Variants in SYNPO2L observed in about 807,000 individuals in gnomAD.
SYNPO2L encodes synaptopodin 2 like, also known as synaptopodin 2-like protein.
A neutral mutation model predicts 47.5 loss-of-function variants in SYNPO2L; 34 were observed. The observed-to-expected ratio is 0.72, with a 90% CI of 0.54 to 0.95. SYNPO2L has a LOEUF of 0.95. Among genes scored for constraint, SYNPO2L ranks in the 40% least tolerant of loss-of-function variants. The pLI is 0.00. For synonymous variants in SYNPO2L, 536 were observed against 524.9 expected, an observed-to-expected ratio of 1.02 and a Z score of -0.29; for missense variants, 1,246 against 1,282.0, an observed-to-expected ratio of 0.97 and a Z score of 0.43.
Position 73,656,020 on chromosome 10 carries a change from T to A in SYNPO2L, c.-98A>T. 1 of 999,680 alleles carries A rather than the reference T, an allele frequency of 1.0e-6. No individual in the cohort carries two copies. The highest frequency in any genetic ancestry group is 1.4e-6 in the Non-Finnish European group (1 of 690,002). 61.9% of individuals were successfully genotyped at this position (999,680 alleles called of 1,614,324 possible). A position where few individuals can be genotyped will look rare whatever the true frequency, so the allele number is the denominator to read the frequency against. On this transcript the variant is annotated 5_prime_UTR_variant, in exon 1 of 4. Transcript: ENST00000394810. ...GTCTGGGCTTCCTGTCCGGCTGTCC[T>A]GCTCCTGCTGCCCCAGGCCTCCCCC...
intron 3 of SYNPO2L, 71 bp downstream of exon 3, chr10:73,653,068 G>A: frequency 4.9e-6 from 7 of 1,419,020 alleles, no homozygotes; most frequent in East Asian, 2.5e-5. Flanking sequence ...GAGAATGTAC[G>A]GCTATAGAAG....
rs1466943829 is a variant in SYNPO2L at position 73,647,939 on chromosome 10, A to G, written c.1713T>C (p.Pro571=). 2 of 1,530,956 alleles carry G rather than the reference A, an allele frequency of 1.3e-6. No individual in the cohort carries two copies. Among genetic ancestry groups the G allele is most frequent in the Admixed American group, 2.2e-5 (1 of 45,938 alleles). 94.8% of individuals were successfully genotyped at this position (1,530,956 alleles called of 1,614,324 possible). Residue 571 remains proline, a synonymous_variant, in exon 4 of 4, where the codon CCT becomes CCC. Coordinates refer to ENST00000394810, the MANE Select transcript of SYNPO2L (RefSeq NM_001114133.3). ...PGGAPEPPAP[P]SAAAMTSTAS... is the part of the protein sequence containing the mutation. The stretch of plus-strand genomic sequence containing the variant: ...CGGTGGAGGTCATGGCAGCTGCGCT[A>G]GGAGGAGCGGGGGGCTCTGGAGCTC...
chr10:73,648,611 G>T lies in SYNPO2L; in HGVS notation c.1041C>A (p.Thr347=). Residue 347 remains threonine, a synonymous_variant, in exon 4 of 4, where the codon ACC becomes ACA. Transcript: ENST00000394810. ...AGGGACTGTCCCAGTCAGATTGATTGGTGAGGCTGCGGGCGTCAGAGAAGG... is the reference window on the plus strand; with the variant it reads ...AGGGACTGTCCCAGTCAGATTGATTTGTGAGGCTGCGGGCGTCAGAGAAGG... ...EEAFSDARSL[T]NQSDWDSPYL... is the part of the protein sequence containing the mutation. 1 of 1,614,116 alleles carries T rather than the reference G, an allele frequency of 6.2e-7. No individual in the cohort carries two copies. Among genetic ancestry groups the T allele is most frequent in the Non-Finnish European group, 8.5e-7 (1 of 1,179,974 alleles).
rs761148867 is a variant in SYNPO2L at position 73,645,026 on chromosome 10, T to C, written c.*1692A>G. 81 of 1,266,424 alleles carry C rather than the reference T, an allele frequency of 6.4e-5. No homozygotes were observed. Among genetic ancestry groups the C allele is most frequent in the Non-Finnish European group, 7.6e-5 (74 of 974,710 alleles). The allele number at this position is 1,266,424 out of a possible 1,614,324, so 78.4% of individuals were successfully genotyped here. On this transcript the variant is annotated 3_prime_UTR_variant, in exon 4 of 4. Transcript: ENST00000394810. ...GGTGAGAAGGGAGTCCATACTAAGA[T>C]TGGAGATCAGGACCTGAAGCTGAAA...
intron 3 of SYNPO2L, chr10:73,650,209 T>C (rs9664184): frequency 0.63 from 617,613 of 979,458 alleles, 198,151 homozygotes; most frequent in Middle Eastern, 0.71. Context: ...CAAGGTACCA[T>C]GCTCCTTTGT....
At chr10:73,653,847 G>A (rs1260869471) in intron 2 of SYNPO2L, among the ~76,000 whole-genome samples, 194 bp from the exon 3 acceptor site, 1 of 152,118 alleles carries the variant, frequency 6.6e-6, no homozygotes, top group African/African-American at 2.4e-5. Flanking sequence ...TGCTTGAAGG[G>A]CTGTGAGTGG....
At position 73,645,007 on chromosome 10, in the gene SYNPO2L, A is replaced by C; in HGVS notation, c.*1711T>G. The C allele has an allele frequency of 8.0e-7, 1 of 1,253,158 alleles. No individual in the cohort carries two copies. The highest frequency in any genetic ancestry group is 1.0e-6 in the Non-Finnish European group (1 of 970,728). The allele number at this position is 1,253,158 out of a possible 1,614,324, so 77.6% of individuals were successfully genotyped here. A position where few individuals can be genotyped will look rare whatever the true frequency, so the allele number is the denominator to read the frequency against. The stretch of plus-strand genomic sequence containing the variant: ...CGTAGCTGGTGGTGGTCTTGGTGAG[A>C]AGGGAGTCCATACTAAGATTGGAGA... On this transcript the variant is annotated 3_prime_UTR_variant, in exon 4 of 4. Coordinates refer to ENST00000394810, the MANE Select transcript of SYNPO2L (RefSeq NM_001114133.3).
chr10:73,653,698 G>T, intron 2 of SYNPO2L, 45 bp from the exon 3 acceptor site: 1 of 1,485,992 alleles, frequency 6.7e-7, no homozygotes, highest in Non-Finnish European at 9.0e-7. Context: ...GCTGGGTACT[G>T]ACAGCTAGAG....
At position 73,648,095 on chromosome 10, in the gene SYNPO2L, G is replaced by C. The variant is rs771579030; in HGVS notation, c.1557C>G (p.Pro519=). The C allele has an allele frequency of 6.4e-7, 1 of 1,558,042 alleles. No individual in the cohort carries two copies. The highest frequency in any genetic ancestry group is 8.7e-7 in the Non-Finnish European group (1 of 1,153,754). The change falls in exon 4 of 4, where the codon CCC becomes CCG. Residue 519 remains proline (P), a synonymous_variant. Transcript: ENST00000394810. The part of the protein sequence containing the change: ...FLSSQGPTPL[P]SFTSGVPSHA... ...GGCTGGGAACCCCTGAAGTGAAGCT[G>C]GGCAGAGGGGTGGGCCCCTGCGAAG...
Position 73,648,285 on chromosome 10 carries a change from G to A in SYNPO2L, c.1367C>T (p.Ala456Val). 6.2e-7 allele frequency: 1 copy of A among 1,602,180 alleles called. No individual in the cohort carries two copies. The highest frequency in any genetic ancestry group is 8.5e-7 in the Non-Finnish European group (1 of 1,178,928). The stretch of plus-strand genomic sequence containing the variant: ...AAAGATGCTTGGAGCTGGGGTCGGG[G>A]CTCCACCACCTGGTTGGAAGGGTCT... ...SPRPFQPGGG[A>V]PTPAPSIFNR... Residue 456 changes from alanine to valine, a missense_variant, in exon 4 of 4, where the codon GCC becomes GTC. Transcript: ENST00000394810.
rs749494669 is a variant in SYNPO2L at position 73,648,590 on chromosome 10, A to G, written c.1062T>C (p.Ser354=). 1.2e-6 allele frequency: 2 copies of G among 1,614,084 alleles called. No individual in the cohort carries two copies. The highest frequency in any genetic ancestry group is 1.7e-5 in the Admixed American group (1 of 60,024). The change falls in exon 4 of 4, where the codon AGT becomes AGC. Residue 354 remains serine (S), a synonymous_variant. Coordinates refer to ENST00000394810, the MANE Select transcript of SYNPO2L (RefSeq NM_001114133.3). ...TGGCAAGCTCCATGTCCAGATAGGG[A>G]CTGTCCCAGTCAGATTGATTGGTGA... ...RSLTNQSDWD[S]PYLDMELARA... is the part of the protein sequence containing the mutation.
At chr10:73,653,937 C>T in intron 2 of SYNPO2L, 192 bp downstream of exon 2, 1 of 792,704 alleles carries the variant, frequency 1.3e-6, no homozygotes, top group Non-Finnish European at 2.0e-6. Flanking sequence ...TACCCACTGA[C>T]ATCCCCATCC....
At position 73,646,078 on chromosome 10, in the gene SYNPO2L, C is replaced by T; in HGVS notation, c.*640G>A. The T allele has an allele frequency of 5.1e-6, 5 of 983,874 alleles. No individual in the cohort carries two copies. The highest frequency in any genetic ancestry group is 5.2e-4 in the Middle Eastern group (1 of 1,910). The allele number at this position is 983,874 out of a possible 1,614,324, so 60.9% of individuals were successfully genotyped here. A position where few individuals can be genotyped will look rare whatever the true frequency, so the allele number is the denominator to read the frequency against. On this transcript the variant is annotated 3_prime_UTR_variant, in exon 4 of 4. Transcript: ENST00000394810. ...TGACCTCGTGATCCGCCCGCCTCGG[C>T]CTCCCAAAGTGCTGGGATTACCGGC...
intron 3 of SYNPO2L, chr10:73,650,622 TC>T: frequency 1.1e-6 from 1 of 908,344 alleles, no homozygotes; most frequent in African/African-American, 1.8e-5. Flanking sequence ...TTCACACATA[TC>T]TTCTCCCATG....
chr10:73,648,626 G>C lies in SYNPO2L; in HGVS notation c.1026C>G (p.Asp342Glu). ...CAGATTGATTGGTGAGGCTGCGGGC[G>C]TCAGAGAAGGCTTCTTCGTCCAGCT... ...ESELDEEAFS[D>E]ARSLTNQSDW... Residue 342 changes from aspartate to glutamate, a missense_variant, in exon 4 of 4, where the codon GAC becomes GAG. Asp to Glu is a conservative substitution (Grantham distance 45). Coordinates refer to ENST00000394810, the MANE Select transcript of SYNPO2L (RefSeq NM_001114133.3). 2.5e-6 allele frequency: 4 copies of C among 1,613,936 alleles called. No individual in the cohort carries two copies. Among genetic ancestry groups the C allele is most frequent in the Non-Finnish European group, 3.4e-6 (4 of 1,179,822 alleles).
chr10:73,648,905 T>G, intron 3 of SYNPO2L, 26 bp from the exon 4 acceptor site: 1 of 1,483,956 alleles, frequency 6.7e-7, no homozygotes, highest in Non-Finnish European at 8.9e-7. Context: ...GGTAAAATGG[T>G]CAGGGGGGCT....
At chr10:73,653,092 C>T (rs1350345425) in intron 3 of SYNPO2L, 47 bp downstream of exon 3, 17 of 1,435,038 alleles carry the variant, frequency 1.2e-5, no homozygotes, top group East Asian at 2.5e-5. Flanking sequence ...GGATTTAAGG[C>T]TCAGATTGAA....
Position 73,653,249 on chromosome 10 carries a change from G to A in SYNPO2L, c.662C>T (p.Pro221Leu), listed in dbSNP as rs536359698. 392 of 1,543,914 alleles carry A rather than the reference G, an allele frequency of 2.5e-4. 3 individuals carry two copies. In the African/African-American group the frequency reaches 4.6e-3, roughly 18 times the overall value. The change falls in exon 3 of 4, where the codon CCC (proline) becomes CTC (leucine). Residue 221 changes from proline to leucine, a missense_variant. Pro to Leu is a moderately conservative substitution (Grantham distance 98, BLOSUM62 -3). This residue lies in a region of SYNPO2L where 1,037 missense variants were observed against 1,021.5 expected (regional missense o/e 1.02). Coordinates refer to ENST00000394810, the MANE Select transcript of SYNPO2L (RefSeq NM_001114133.3). Reference protein sequence around the residue: ...QPPPAEALLLPHGPLRPGPHL... With the variant: ...QPPPAEALLLLHGPLRPGPHL... ...AGGACCAGGTCGGAGGGGGCCATGGGGTAACAGCAGAGCCTCAGCTGGGGG... is the reference window on the plus strand; with the variant it reads ...AGGACCAGGTCGGAGGGGGCCATGGAGTAACAGCAGAGCCTCAGCTGGGGG...
At chr10:73,650,946 G>C (rs2081836610) in intron 3 of SYNPO2L, 1 of 1,613,936 alleles carries the variant, frequency 6.2e-7, no homozygotes, top group Non-Finnish European at 8.5e-7. Context: ...AACTGGGTCT[G>C]GGGCTTTGTC....
Sources: gnomAD v4.1 joint callset for allele counts (sites outside exome capture counted in the v4.1 genomes callset) on GRCh38, gnomAD v4.1.1 for gene constraint, gnomAD v4.1.1 regional missense constraint, MANE v1.5 for transcripts, NCBI Gene and HGNC (gene_info 2026-07-23, HGNC 2026-07-21) for gene names.